The following IDO1 variants were observed in gnomAD, a reference collection of about 807,000 sequenced individuals.
IDO1 encodes indolamine 2,3 dioxygenase.
Under a neutral mutation model 38.8 loss-of-function variants are expected in IDO1, and 35 were observed. That is an observed-to-expected ratio of 0.90 (90% CI 0.69 to 1.20). IDO1 has a LOEUF of 1.20. Ranked by LOEUF, IDO1 falls within the 50% of genes most tolerant of loss-of-function variation. The pLI is 0.00. For synonymous variants in IDO1, 171 were observed against 170.0 expected (o/e 1.01, Z -0.05); for missense variants, 509 against 485.1 (o/e 1.05, Z -0.46).
intron 7 of IDO1, chr8:39,923,793 G>T (rs1028694512): frequency 5.4e-6 from 2 of 372,244 alleles, no homozygotes; most frequent in African/African-American, 4.2e-5. Flanking sequence ...CAGAAAGACA[G>T]GGTAAATGAC....
intron 1 of IDO1, chr8:39,915,766 A>T (rs140042256): frequency 2.0e-5 from 3 of 152,348 alleles, no homozygotes; most frequent in Admixed American, 6.5e-5. Flanking sequence ...ATTCTCCTTA[A>T]AAATGCAACA....
At chr8:39,924,423 GTTTGT>G (rs1264688884) in intron 7 of IDO1, among the ~76,000 whole-genome samples, 5 of 151,842 alleles carry the variant, frequency 3.3e-5, no homozygotes, top group Admixed American at 1.3e-4. Context: ...TTTTGTTTTG[GTTTGT>G]TTTGATTTGT....
intron 4 of IDO1, 71 bp from the exon 5 acceptor site, chr8:39,920,029 A>G: frequency 7.7e-7 from 1 of 1,300,742 alleles, no homozygotes; most frequent in Non-Finnish European, 1.1e-6. Context: ...ACAACTCATC[A>G]TTATTTGATG....
chr8:39,924,208 G>A (rs1807323169), intron 7 of IDO1, among the ~76,000 whole-genome samples: 1 of 152,056 alleles, frequency 6.6e-6, no homozygotes, highest in South Asian at 2.1e-4. Context: ...TTCAAATCAA[G>A]TAGGGTAGGA....
intron 9 of IDO1, among the ~76,000 whole-genome samples, chr8:39,927,131 C>G (rs1807373561): frequency 6.6e-6 from 1 of 152,118 alleles, no homozygotes; most frequent in Non-Finnish European, 1.5e-5. Flanking sequence ...CATTCCATGT[C>G]TTTGCTGTTG....
intron 7 of IDO1, chr8:39,924,078 G>A (rs1247649035): frequency 2.0e-5 from 3 of 152,656 alleles, no homozygotes; most frequent in Admixed American, 2.0e-4. Context: ...ACACAAAAAA[G>A]TGCATAAGCA....
At chr8:39,914,246 G>C (rs539020020) in intron 1 of IDO1, 36 of 367,132 alleles carry the variant, frequency 9.8e-5, no homozygotes, top group Admixed American at 4.7e-4. Context: ...ACGGAGAGTG[G>C]TGAGAAAGGA....
chr8:39,924,929 G>A (rs186720807), intron 8 of IDO1, among the ~76,000 whole-genome samples, 157 bp downstream of exon 8: 27 of 152,234 alleles, frequency 1.8e-4, no homozygotes, highest in Admixed American at 4.6e-4. Context: ...TTATCACTTG[G>A]CCAGGAATGT....
At position 39,918,814 on chromosome 8, in the gene IDO1, G is replaced by A; in HGVS notation, c.304-1G>A. ...AAACCTAACTACTGTATTTTAATCA[G>A]GTCTTGCCAAGAAATATTGCTGTTC... On this transcript the variant is annotated splice_acceptor_variant, in intron 3 of 9. Coordinates refer to ENST00000518237, the MANE Select transcript of IDO1 (RefSeq NM_002164.6). LOFTEE classifies it high-confidence loss of function. 1 of 1,539,614 alleles carries A rather than the reference G, an allele frequency of 6.5e-7. No individual in the cohort carries two copies. The highest frequency in any genetic ancestry group is 9.0e-7 in the Non-Finnish European group (1 of 1,113,692).
In IDO1 at chr8:39,922,593, G is replaced by A; in HGVS notation, c.479G>A (p.Ser160Asn). Residue 160 changes from serine (S) to asparagine (N), a missense_variant, in exon 6 of 10, where the codon AGT becomes AAT. Ser to Asn is a conservative substitution (Grantham distance 46, BLOSUM62 1). Transcript: ENST00000518237. ...TTCTCATTTCGTGATGGAGACTGCAGTAAAGGATTCTTCCTGGTCTCTCTA... is the reference window on the plus strand; with the variant it reads ...TTCTCATTTCGTGATGGAGACTGCAATAAAGGATTCTTCCTGGTCTCTCTA... ...VLFSFRDGDC[S>N]KGFFLVSLLV... The A allele has an allele frequency of 6.2e-7, 1 of 1,613,734 alleles. No individual in the cohort carries two copies. Among genetic ancestry groups the A allele is most frequent in the Non-Finnish European group, 8.5e-7 (1 of 1,179,692 alleles).
intron 9 of IDO1, among the ~76,000 whole-genome samples, 186 bp downstream of exon 9, chr8:39,925,557 G>C (rs1007579368): frequency 1.3e-5 from 2 of 152,212 alleles, no homozygotes; most frequent in African/African-American, 4.8e-5. Context: ...CTTAATGAGA[G>C]TCAGTGACAG....
intron 9 of IDO1, among the ~76,000 whole-genome samples, chr8:39,926,927 G>A (rs916553785): frequency 6.6e-6 from 1 of 151,960 alleles, no homozygotes; most frequent in Non-Finnish European, 1.5e-5. Context: ...CCCACTTATC[G>A]GTGAGAACAT....
chr8:39,922,445 C>G (rs977859460), intron 5 of IDO1, 107 bp from the exon 6 acceptor site: 1 of 730,364 alleles, frequency 1.4e-6, no homozygotes, highest in Non-Finnish European at 2.4e-6. Context: ...GCCTGCCACA[C>G]CTCTCTCATA....
chr8:39,918,993 G>A, intron 4 of IDO1, 60 bp downstream of exon 4: 4 of 1,034,648 alleles, frequency 3.9e-6, no homozygotes, highest in Non-Finnish European at 6.1e-6. Context: ...AATAAAACAG[G>A]GGTTGTTCAT....
At chr8:39,923,896 A>G (rs1807318245) in intron 7 of IDO1, 1 of 181,640 alleles carries the variant, frequency 5.5e-6, no homozygotes, top group East Asian at 1.4e-4. Flanking sequence ...CCTTAGAGAA[A>G]CTTTCCACAT....
chr8:39,920,491 T>A (rs1807255444), intron 5 of IDO1: 1 of 177,648 alleles, frequency 5.6e-6, no homozygotes, highest in Admixed American at 6.0e-5. Flanking sequence ...GACCCAATCC[T>A]TACTACTTTT....
intron 4 of IDO1, 118 bp downstream of exon 4, chr8:39,919,051 C>T (rs1293606957): frequency 1.3e-6 from 1 of 769,232 alleles, no homozygotes; most frequent in Non-Finnish European, 2.4e-6. Flanking sequence ...GGGTATGGTT[C>T]CTCTCAGTTC....
At position 39,928,225 on chromosome 8, in the gene IDO1, T is replaced by C; in HGVS notation, c.*40T>C. 7.3e-7 allele frequency: 1 copy of C among 1,361,102 alleles called. No homozygotes were observed. The highest frequency in any genetic ancestry group is 1.4e-5 in the African/African-American group (1 of 69,510). 84.3% of individuals were successfully genotyped at this position (1,361,102 alleles called of 1,614,324 possible). A position where few individuals can be genotyped will look rare whatever the true frequency, so the allele number is the denominator to read the frequency against. On this transcript the variant is annotated 3_prime_UTR_variant, in exon 10 of 10. Transcript: ENST00000518237. ...AGCACATTTTATCATAGCAGAGACA[T>C]CTGTATGCATTCCTGTCATTACCCA...
chr8:39,918,111 T>C lies in IDO1; in HGVS notation c.207T>C (p.His69=). ...AGTTAAACATGCTCAGCATTGATCA[T>C]CTCACAGACCACAAGTCACAGCGCC... is the stretch of plus-strand genomic sequence containing the variant. ...VEKLNMLSID[H]LTDHKSQRLA... The change falls in exon 3 of 10, where the codon CAT becomes CAC. Residue 69 remains histidine (H), a synonymous_variant. Transcript: ENST00000518237. 1 of 1,613,984 alleles carries C rather than the reference T, an allele frequency of 6.2e-7. No individual in the cohort carries two copies. Among genetic ancestry groups the C allele is most frequent in the Non-Finnish European group, 8.5e-7 (1 of 1,179,870 alleles).
Sources: allele counts gnomAD v4.1 joint callset (sites outside exome capture counted in the v4.1 genomes callset), GRCh38; gene constraint gnomAD v4.1.1; transcripts MANE v1.5; gene names NCBI Gene and HGNC (gene_info 2026-07-23, HGNC 2026-07-21).